THSD4: variants seen among roughly 807,000 people sequenced by gnomAD.
The protein encoded by THSD4 is thrombospondin type 1 domain containing 4, also known as thrombospondin type-1 domain-containing protein 4.
THSD4 carries 69 observed loss-of-function variants against 119.0 expected under a neutral mutation model. The observed-to-expected ratio is 0.58, with a 90% CI of 0.48 to 0.71. The LOEUF (loss-of-function observed/expected upper bound fraction) is 0.71. Ranked by LOEUF, THSD4 falls within the 30% of genes least tolerant of loss-of-function variation. The probability of loss-of-function intolerance (pLI) is 0.00; values close to 1 mark genes in which losing one functional copy is unlikely to be tolerated. For missense variants in THSD4, 1,393 were observed against 1,391.1 expected, an observed-to-expected ratio of 1.00 and a Z score of -0.02; for synonymous variants, 524 against 540.4, an observed-to-expected ratio of 0.97 and a Z score of 0.42.
chr15:71,689,992 A>G (rs888700575), intron 8 of THSD4, among the ~76,000 whole-genome samples: 2 of 152,212 alleles, frequency 1.3e-5, no homozygotes, highest in African/African-American at 2.4e-5. Context: ...TGCCGCTTCA[A>G]ACTTCCCACT....
chr15:71,330,663 G>C (rs2045409024), intron 6 of THSD4, among the ~76,000 whole-genome samples: 1 of 152,146 alleles, frequency 6.6e-6, no homozygotes, highest in Non-Finnish European at 1.5e-5. Flanking sequence ...ATAACTGTTA[G>C]CGCTTTCCTT....
intron 7 of THSD4, among the ~76,000 whole-genome samples, chr15:71,534,295 C>T (rs1311161615): frequency 6.6e-6 from 1 of 152,244 alleles, no homozygotes; most frequent in Non-Finnish European, 1.5e-5. Context: ...AGTCTCAACC[C>T]TGTGTCAGAC....
chr15:71,419,898 T>C (rs1037863300), intron 7 of THSD4, among the ~76,000 whole-genome samples: 1 of 108,822 alleles, frequency 9.2e-6, no homozygotes, highest in African/African-American at 3.1e-5. Flanking sequence ...GCCTAACATA[T>C]GGTCTATCCT....
chr15:71,310,484 C>G (rs1482830167), intron 6 of THSD4, among the ~76,000 whole-genome samples: 1 of 152,112 alleles, frequency 6.6e-6, no homozygotes, highest in Non-Finnish European at 1.5e-5. Flanking sequence ...TTAGGTTCAA[C>G]AAAGTATGGA....
rs558987009 is a variant in THSD4 at position 71,344,499 on chromosome 15, A to G, written c.1016-67188A>G. Among the ~76,000 whole-genome samples the G allele has an allele frequency of 3.3e-5, 5 of 152,170 alleles. No homozygotes were observed. In the South Asian group the frequency reaches 6.2e-4, roughly 19 times the overall value. On this transcript the variant is annotated intron_variant, in intron 6 of 17. Coordinates refer to ENST00000261862, the MANE Select transcript of THSD4 (RefSeq NM_024817.3). ...TGGAGCATTGACGACCTCTTCAAAC[A>G]TGTTTCACGCCTCAGGGAGCATACA...
rs1234827832 is a variant in THSD4, at chr15:71,532,305, T to A, written c.1152+120482T>A. Among the ~76,000 whole-genome samples, 38 of 129,854 alleles carry A rather than the reference T, an allele frequency of 2.9e-4. No homozygotes were observed. In the South Asian group the frequency reaches 3.6e-3, roughly 12 times the overall value. 85.2% of individuals were successfully genotyped at this position (129,854 alleles called of 152,430 possible). On this transcript the variant is annotated intron_variant, in intron 7 of 17. Coordinates refer to ENST00000261862, the MANE Select transcript of THSD4 (RefSeq NM_024817.3). ...GAGAGTGTGTGTGTGTGTGTGTGTG[T>A]GTGTGTGTGTGTGTGTGTGTGTGTG...
intron 6 of THSD4, among the ~76,000 whole-genome samples, chr15:71,377,915 ATTTCC>A (rs2046171587): frequency 8.7e-5 from 1 of 11,524 alleles, no homozygotes; most frequent in Admixed American, 1.2e-3. Flanking sequence ...CACACACACA[ATTTCC>A]TTCAGTGACT....
In THSD4 at chr15:71,418,419, A is replaced by G. The variant is rs546871272; in HGVS notation, c.1152+6596A>G. On this transcript the variant is annotated intron_variant, in intron 7 of 17. Coordinates refer to ENST00000261862, the MANE Select transcript of THSD4 (RefSeq NM_024817.3). ...CTGTCATATATGACTTAATTATGTT[A>G]AGGCATGTTCCTTCTATACCCAACT... is the stretch of plus-strand genomic sequence containing the variant. Among the ~76,000 whole-genome samples the G allele has an allele frequency of 3.7e-5, 4 of 108,512 alleles. 1 individual carries two copies. The highest frequency in any genetic ancestry group is 1.2e-4 in the African/African-American group (4 of 32,056). 71.2% of individuals were successfully genotyped at this position (108,512 alleles called of 152,430 possible). A position where few individuals can be genotyped will look rare whatever the true frequency, so the allele number is the denominator to read the frequency against.
intron 16 of THSD4, among the ~76,000 whole-genome samples, chr15:71,770,244 ATC>A (rs1446310598): frequency 1.9e-5 from 1 of 51,702 alleles, no homozygotes; most frequent in Admixed American, 2.3e-4. Context: ...GGGAAACTCC[ATC>A]AAAAAAAAAA....
In THSD4 at chr15:71,641,203, A is replaced by G. The variant is rs376296694; in HGVS notation, c.1153-19327A>G. 1.9e-3 allele frequency among the ~76,000 whole-genome samples: 283 copies of G among 152,222 alleles called. 2 individuals are homozygous for G. Among genetic ancestry groups the G allele is most frequent in the African/African-American group, 6.6e-3 (276 of 41,546 alleles). On this transcript the variant is annotated intron_variant, in intron 7 of 17. Coordinates refer to ENST00000261862, the MANE Select transcript of THSD4 (RefSeq NM_024817.3). ...GATTATAACATTAATCCTTACAGCA[A>G]TCTTTTGAGGGAGGCATTCCCTAAG... is the stretch of plus-strand genomic sequence containing the variant.
chr15:71,127,573 C>T (rs1224033690), intron 1 of THSD4, among the ~76,000 whole-genome samples: 2 of 152,212 alleles, frequency 1.3e-5, no homozygotes, highest in Non-Finnish European at 2.9e-5. Flanking sequence ...CTCACCAACA[C>T]TTGATTTATT....
chr15:71,400,525 A>G (rs1044375183), intron 6 of THSD4, among the ~76,000 whole-genome samples: 4 of 152,212 alleles, frequency 2.6e-5, no homozygotes, highest in African/African-American at 9.6e-5. Context: ...TGTCATAAAC[A>G]GGAGCAATAA....
At chr15:71,593,468 A>C (rs1407686669) in intron 7 of THSD4, among the ~76,000 whole-genome samples, 1 of 145,014 alleles carries the variant, frequency 6.9e-6, no homozygotes, top group African/African-American at 2.6e-5. Flanking sequence ...AAAAAAAAAA[A>C]AAAAAACCTG....
At chr15:71,671,426 C>T (rs1183049912) in intron 8 of THSD4, among the ~76,000 whole-genome samples, 2 of 152,032 alleles carry the variant, frequency 1.3e-5, no homozygotes, top group African/African-American at 2.4e-5. Flanking sequence ...TTTTCCCATT[C>T]TGTAGGTTGC....
chr15:71,527,319 C>G (rs1020216340), intron 7 of THSD4, among the ~76,000 whole-genome samples: 2 of 152,286 alleles, frequency 1.3e-5, no homozygotes, highest in East Asian at 3.9e-4. Flanking sequence ...CTGACTAAGA[C>G]AGCCATTTAT....
intron 7 of THSD4, among the ~76,000 whole-genome samples, chr15:71,530,973 G>A (rs899821902): frequency 6.6e-5 from 10 of 152,198 alleles, no homozygotes; most frequent in African/African-American, 2.2e-4. Flanking sequence ...TAGGGGCAGG[G>A]GTGCTAACTT....
At chr15:71,291,105 T>C (rs187509629) in intron 6 of THSD4, among the ~76,000 whole-genome samples, 42 of 152,258 alleles carry the variant, frequency 2.8e-4, no homozygotes, top group African/African-American at 1.0e-3. Context: ...AGCACTCCTA[T>C]ATCAACCACT....
At chr15:71,355,621 C>T (rs2045799622) in intron 6 of THSD4, among the ~76,000 whole-genome samples, 1 of 152,022 alleles carries the variant, frequency 6.6e-6, no homozygotes, top group South Asian at 2.1e-4. Context: ...GGGTGCTGGT[C>T]AGTTAGGAGA....
chr15:71,665,673 A>G (rs2051403577), intron 8 of THSD4, among the ~76,000 whole-genome samples: 1 of 152,104 alleles, frequency 6.6e-6, no homozygotes, highest in South Asian at 2.1e-4. Context: ...TGATTTTTAT[A>G]TATGGTGTAA....
Sources: gnomAD v4.1 joint callset for allele counts (sites outside exome capture counted in the v4.1 genomes callset) on GRCh38, gnomAD v4.1.1 for gene constraint, MANE v1.5 for transcripts, NCBI Gene and HGNC (gene_info 2026-07-23, HGNC 2026-07-21) for gene names.